NKD1: variants seen among roughly 807,000 people sequenced by gnomAD.
The protein encoded by NKD1 is NKD inhibitor of Wnt signaling pathway 1.
Under a neutral mutation model 56.0 loss-of-function variants are expected in NKD1, and 21 were observed. That is an observed-to-expected ratio of 0.38 (90% CI 0.27 to 0.54). NKD1 has a LOEUF of 0.54. Ranked by LOEUF, NKD1 falls within the 20% of genes least tolerant of loss-of-function variation. The pLI is 0.82. For missense variants in NKD1, 578 were observed against 642.7 expected (o/e 0.90, Z 1.09); for synonymous variants, 263 against 265.7 (o/e 0.99, Z 0.10).
rs2151284134 is a variant in NKD1 at position 50,644,871 on chromosome 16, A to G, written c.*11090A>G. 6.6e-6 allele frequency: 1 copy of G among 152,292 alleles called. No homozygotes were observed. The allele number at this position is 152,292 out of a possible 1,614,324, so 9.4% of individuals were successfully genotyped here. On this transcript the variant is annotated 3_prime_UTR_variant, in exon 10 of 10. Transcript: ENST00000268459. ...CTCCTTTCTTCACTGGGGAGAAAGA[A>G]TTTGGCATTCGAGTATCTCACCCCG...
chr16:50,570,825 G>A (rs1960864945), intron 3 of NKD1: 7 of 985,442 alleles, frequency 7.1e-6, no homozygotes, highest in Non-Finnish European at 8.4e-6. Context: ...TGGGAAATGT[G>A]TTGCCAGGAG....
At chr16:50,613,990 C>T (rs1961907757) in intron 4 of NKD1, among the ~76,000 whole-genome samples, 1 of 152,032 alleles carries the variant, frequency 6.6e-6, no homozygotes, top group Admixed American at 6.5e-5. Context: ...TTTTTGTTTC[C>T]CCTCAGTTAC....
At chr16:50,573,457 A>G (rs1960928132) in intron 3 of NKD1, among the ~76,000 whole-genome samples, 1 of 152,202 alleles carries the variant, frequency 6.6e-6, no homozygotes, top group Non-Finnish European at 1.5e-5. Context: ...CCTGCCCTGC[A>G]GTGTGAAGCC....
chr16:50,633,250 A>G lies in NKD1; in HGVS notation c.882A>G (p.Arg294=), dbSNP rs760115281. 1 of 1,613,688 alleles carries G rather than the reference A, an allele frequency of 6.2e-7. No homozygotes were observed. Among genetic ancestry groups the G allele is most frequent in the South Asian group, 1.1e-5 (1 of 91,062 alleles). Residue 294 remains arginine (R), a synonymous_variant, in exon 10 of 10, where the codon CGA becomes CGG. Coordinates refer to ENST00000268459, the MANE Select transcript of NKD1 (RefSeq NM_033119.5). The surrounding 1 kb of genome is among the most constrained non-coding windows in gnomAD (Gnocchi z 4.9). ...CCCCCCGCACCTCCAATCCCACTCG[A>G]TCTCGCTCCCATGAGCCGGAAGCCA... ...ELPPRTSNPT[R]SRSHEPEAIH...
chr16:50,600,336 G>A (rs182535338), intron 3 of NKD1, among the ~76,000 whole-genome samples: 94 of 152,066 alleles, frequency 6.2e-4, no homozygotes, highest in Non-Finnish European at 8.7e-4. Flanking sequence ...AGCTGGGTAC[G>A]GTGGCCTGTG....
chr16:50,592,678 C>T (rs978024198), intron 3 of NKD1, among the ~76,000 whole-genome samples: 7 of 151,406 alleles, frequency 4.6e-5, no homozygotes, highest in Non-Finnish European at 8.8e-5. Flanking sequence ...GCACAGAGCC[C>T]GGGGCTCCAG....
At chr16:50,575,911 A>G (rs1009270315) in intron 3 of NKD1, among the ~76,000 whole-genome samples, 2 of 152,092 alleles carry the variant, frequency 1.3e-5, no homozygotes, top group East Asian at 3.9e-4. Flanking sequence ...GGCCTCTAGC[A>G]GGTGGAGGTC....
chr16:50,580,386 C>T (rs991840377), intron 3 of NKD1, among the ~76,000 whole-genome samples: 4 of 152,222 alleles, frequency 2.6e-5, no homozygotes, highest in South Asian at 2.1e-4. Flanking sequence ...GCAAAGTCTG[C>T]GTCTTTGGGA....
intron 3 of NKD1, chr16:50,607,137 A>G (rs1442760836): frequency 3.1e-5 from 13 of 413,926 alleles, no homozygotes; most frequent in Admixed American, 2.7e-4. Context: ...CTTTTAAGAA[A>G]GAGTGTGTAA....
At position 50,598,864 on chromosome 16, in the gene NKD1, C is replaced by T. The variant is rs189867027; in HGVS notation, c.193-9430C>T. 5.3e-5 allele frequency among the ~76,000 whole-genome samples: 7 copies of T among 133,206 alleles called. No individual in the cohort carries two copies. The highest frequency in any genetic ancestry group is 1.7e-4 in the African/African-American group (6 of 34,418). 87.4% of individuals were successfully genotyped at this position (133,206 alleles called of 152,430 possible). ...AGTGGTGCAATGTTCAGTGGTGTGG[C>T]GGGCAGTGGTGGGGCAGGATCAGTG... is the stretch of plus-strand genomic sequence containing the variant. On this transcript the variant is annotated intron_variant, in intron 3 of 9. Transcript: ENST00000268459. The surrounding 1 kb of genome is among the most constrained non-coding windows in gnomAD (Gnocchi z 4.2).
chr16:50,595,357 A>G (rs1160488539), intron 3 of NKD1, among the ~76,000 whole-genome samples: 1 of 152,066 alleles, frequency 6.6e-6, no homozygotes, highest in African/African-American at 2.4e-5. Flanking sequence ...TTCAATGTGC[A>G]ATTTTCTTTG....
In NKD1 at chr16:50,548,718, C is replaced by A; in HGVS notation, c.27C>A (p.Ala9=). MGKLHSKP[A]AVCKRRESPE... ...CGCCGCCTCGCGATGTGCCTGCAGC[C>A]GCCGTGTGCAAGCGCAGGGAGAGCC... Residue 9 remains alanine, a splice_region_variant and synonymous_variant, in exon 2 of 10, where the codon GCC becomes GCA. Transcript: ENST00000268459. 1 of 1,456,338 alleles carries A rather than the reference C, an allele frequency of 6.9e-7. No individual in the cohort carries two copies. The highest frequency in any genetic ancestry group is 9.0e-7 in the Non-Finnish European group (1 of 1,113,652). The allele number at this position is 1,456,338 out of a possible 1,614,324, so 90.2% of individuals were successfully genotyped here.
In NKD1 at chr16:50,621,724, G is replaced by A. The variant is rs370812527; in HGVS notation, c.366+16G>A. On this transcript the variant is annotated intron_variant, in intron 5 of 9. Transcript: ENST00000268459. The stretch of plus-strand genomic sequence containing the variant: ...GAAGTTTGAAGTAAGTTTCCTTTTG[G>A]TGCTGGGTCCTGAGGAGATGAGATG... 1.3e-6 allele frequency: 2 copies of A among 1,598,306 alleles called. No individual in the cohort carries two copies. Among genetic ancestry groups the A allele is most frequent in the Non-Finnish European group, 1.7e-6 (2 of 1,167,066 alleles).
chr16:50,628,441 C>T (rs1962271501), intron 6 of NKD1, among the ~76,000 whole-genome samples: 1 of 152,196 alleles, frequency 6.6e-6, no homozygotes, highest in Non-Finnish European at 1.5e-5. Flanking sequence ...TGAAGGATTG[C>T]TGGGCAGGTA....
At chr16:50,549,337 CCA>C in intron 2 of NKD1, 83 bp from the exon 3 acceptor site, 1 of 1,530,704 alleles carries the variant, frequency 6.5e-7, no homozygotes, top group Non-Finnish European at 8.8e-7. Flanking sequence ...CCTTCGCCTC[CCA>C]CCGCGCCTCC....
At chr16:50,578,896 T>A (rs1961046371) in intron 3 of NKD1, among the ~76,000 whole-genome samples, 1 of 152,160 alleles carries the variant, frequency 6.6e-6, no homozygotes, top group South Asian at 2.1e-4. Flanking sequence ...ATGAGCCTCA[T>A]CTTTAAAAAC....
At chr16:50,585,366 G>T (rs1047173122) in intron 3 of NKD1, among the ~76,000 whole-genome samples, 3 of 152,178 alleles carry the variant, frequency 2.0e-5, no homozygotes, top group South Asian at 2.1e-4. Flanking sequence ...AGGAGAAGGC[G>T]CCCGGCAGCT....
chr16:50,560,823 C>CATCTATATCT (rs1960609784), intron 3 of NKD1, among the ~76,000 whole-genome samples: 1 of 148,546 alleles, frequency 6.7e-6, no homozygotes, highest in African/African-American at 2.5e-5. Flanking sequence ...TACCCAAACC[C>CATCTATATCT]ATCTATCTAT....
At chr16:50,549,858 C>A (rs145247566) in intron 3 of NKD1, among the ~76,000 whole-genome samples, 289 of 152,230 alleles carry the variant, frequency 1.9e-3, no homozygotes, top group African/African-American at 6.1e-3. Context: ...GCTCTGACTT[C>A]TACCTTGTTT....
Sources: gnomAD v4.1 joint callset for allele counts (sites outside exome capture counted in the v4.1 genomes callset) on GRCh38, gnomAD v4.1.1 for gene constraint, Gnocchi (gnomAD v3.1) non-coding constraint, MANE v1.5 for transcripts, NCBI Gene and HGNC (gene_info 2026-07-23, HGNC 2026-07-21) for gene names.